Variants in TMC3 observed in about 807,000 individuals in gnomAD.
TMC3 encodes transmembrane channel like 3.
TMC3 carries 98 observed loss-of-function variants against 110.6 expected under a neutral mutation model. That is an observed-to-expected ratio of 0.89 (90% CI 0.75 to 1.05). TMC3 has a LOEUF of 1.05. Ranked by LOEUF, TMC3 falls within the 50% of genes least tolerant of loss-of-function variation. TMC3 has a pLI of 0.00. For missense variants in TMC3, 1,319 were observed against 1,373.2 expected, an observed-to-expected ratio of 0.96 and a Z score of 0.62; for synonymous variants, 489 against 513.1, an observed-to-expected ratio of 0.95 and a Z score of 0.63.
chr15:81,334,251 G>A (rs1479412271), intron 21 of TMC3, among the ~76,000 whole-genome samples: 1 of 152,130 alleles, frequency 6.6e-6, no homozygotes, highest in Non-Finnish European at 1.5e-5. Flanking sequence ...CTCCATATGA[G>A]TTTGGGCCAC....
At chr15:81,352,817 T>TTTTG (rs770988781) in intron 9 of TMC3, among the ~76,000 whole-genome samples, 3 of 152,160 alleles carry the variant, frequency 2.0e-5, no homozygotes, top group Non-Finnish European at 2.9e-5. Flanking sequence ...TTTGTTTGTT[T>TTTTG]TTTGTTTGTT....
chr15:81,368,347 G>A lies in TMC3; in HGVS notation c.237-19C>T. On this transcript the variant is annotated intron_variant, in intron 2 of 21. Transcript: ENST00000359440. ...CGCTTGTCTAAGAGAAGAAAAACAT[G>A]ATGGTGAACACAATTGTATCACACT... 1 of 1,596,900 alleles carries A rather than the reference G, an allele frequency of 6.3e-7. No homozygotes were observed. The highest frequency in any genetic ancestry group is 8.6e-7 in the Non-Finnish European group (1 of 1,164,652).
At chr15:81,370,998 A>T (rs1021059861) in intron 2 of TMC3, among the ~76,000 whole-genome samples, 2 of 151,956 alleles carry the variant, frequency 1.3e-5, no homozygotes, top group African/African-American at 4.8e-5. Flanking sequence ...TTTTTTTTAA[A>T]GAGTAATTGC....
chr15:81,359,278 C>T (rs1894133420), intron 5 of TMC3, 87 bp downstream of exon 5: 1 of 966,730 alleles, frequency 1.0e-6, no homozygotes, highest in Admixed American at 3.0e-5. Context: ...ATTTTCATCC[C>T]CACAATGATA....
Position 81,341,511 on chromosome 15 carries a change from C to T in TMC3, c.1723G>A (p.Ala575Thr), listed in dbSNP as rs1172416010. Residue 575 changes from alanine to threonine, a missense_variant, in exon 16 of 22, where the codon GCC becomes ACC. Ala to Thr is a moderately conservative substitution (Grantham distance 58). Coordinates refer to ENST00000359440, the MANE Select transcript of TMC3 (RefSeq NM_001080532.3). ...VYNQGMIWMG[A>T]FFSPCLPAFN... ...GCTGGGAGACATGGGGAGAAGAAGG[C>T]CCCCATCCTGGAACCATGAGGAAGG... 7 of 1,609,480 alleles carry T rather than the reference C, an allele frequency of 4.3e-6. No homozygotes were observed. The South Asian group carries it at 6.7e-5, about 15-fold the overall frequency.
In TMC3 at chr15:81,374,191, AG is replaced by A; in HGVS notation, c.-115del. The stretch of plus-strand genomic sequence containing the variant: ...AGCAGCGGAGTTTGCTCTGCCCGCT[AG>A]TTCTCAGGAAGAAGACTGTGTGCTT... On this transcript the variant is annotated 5_prime_UTR_variant, in exon 1 of 22. Transcript: ENST00000359440. The A allele has an allele frequency of 1.2e-6, 1 of 816,212 alleles. No individual in the cohort carries two copies. The highest frequency in any genetic ancestry group is 2.7e-5 in the East Asian group (1 of 36,980). 50.6% of individuals were successfully genotyped at this position (816,212 alleles called of 1,614,324 possible).
chr15:81,332,517 T>C lies in TMC3; in HGVS notation c.3205A>G (p.Arg1069Gly). 1 of 1,613,744 alleles carries C rather than the reference T, an allele frequency of 6.2e-7. No individual in the cohort carries two copies. Among genetic ancestry groups the C allele is most frequent in the Non-Finnish European group, 8.5e-7 (1 of 1,179,808 alleles). ...GGCTGGCCCACGGACCTCGGGAACC[T>C]GCCCTGGCTGTGGGTGACCTGCAGG... Reference protein sequence around the residue: ...QYLQVTHSQGRFPRSVGQPSR... With the variant: ...QYLQVTHSQGGFPRSVGQPSR... The change falls in exon 22 of 22, where the codon AGG becomes GGG. Residue 1069 changes from arginine to glycine, a missense_variant. Physicochemically the swap from Arg to Gly is moderately radical, Grantham distance 125 (BLOSUM62 -2). Coordinates refer to ENST00000359440, the MANE Select transcript of TMC3 (RefSeq NM_001080532.3).
Position 81,334,700 on chromosome 15 carries a change from G to A in TMC3, c.2459+20C>T, listed in dbSNP as rs771678419. On this transcript the variant is annotated intron_variant, in intron 21 of 21. Transcript: ENST00000359440. ...TCTCTCACATTCCAGGTTTTAATCT[G>A]TGCTGCAGTGGAGCCTCACCTGTTA... 7 of 1,610,192 alleles carry A rather than the reference G, an allele frequency of 4.3e-6. No homozygotes were observed. The Admixed American group carries it at 8.4e-5, about 19-fold the overall frequency.
At chr15:81,369,506 C>G (rs918625838) in intron 2 of TMC3, among the ~76,000 whole-genome samples, 12 of 152,074 alleles carry the variant, frequency 7.9e-5, no homozygotes, top group Non-Finnish European at 1.3e-4. Context: ...AAAGTAAAAG[C>G]CTATTGAAGT....
At chr15:81,336,757 TTGGACCA>T in intron 19 of TMC3, 106 bp from the exon 20 acceptor site, 1 of 1,200,000 alleles carries the variant, frequency 8.3e-7, no homozygotes, top group Non-Finnish European at 1.2e-6. Flanking sequence ...AGTTCTTACC[TTGGACCA>T]TAACTGTACT....
chr15:81,334,832 T>A lies in TMC3; in HGVS notation c.2347A>T (p.Arg783Trp). 1 of 1,614,052 alleles carries A rather than the reference T, an allele frequency of 6.2e-7. No homozygotes were observed. The highest frequency in any genetic ancestry group is 8.5e-7 in the Non-Finnish European group (1 of 1,179,894). The change falls in exon 21 of 22, where the codon AGG becomes TGG. Residue 783 changes from arginine (R) to tryptophan (W), a missense_variant. Coordinates refer to ENST00000359440, the MANE Select transcript of TMC3 (RefSeq NM_001080532.3). ...HFDSGSSKSG[R>W]IETVAQSMPQ... is the part of the protein sequence containing the mutation. ...ATGGACTGTGCGACTGTCTCTATCCTGCCACTCTTGCTGCTCCCTGAGTCA... is the reference window on the plus strand; with the variant it reads ...ATGGACTGTGCGACTGTCTCTATCCAGCCACTCTTGCTGCTCCCTGAGTCA...
chr15:81,346,329 AGGTGGGGCAGG>A (rs1264920782), intron 12 of TMC3, 25 bp downstream of exon 12: 1 of 1,586,932 alleles, frequency 6.3e-7, no homozygotes, highest in Non-Finnish European at 8.6e-7. Context: ...GAGAGGGCAG[AGGTGGGGCAGG>A]CAACTATCTG....
intron 9 of TMC3, among the ~76,000 whole-genome samples, chr15:81,355,079 T>C (rs1279176002): frequency 6.6e-6 from 1 of 152,138 alleles, no homozygotes; most frequent in Non-Finnish European, 1.5e-5. Flanking sequence ...CTAAGCTCCC[T>C]CATTATTCCA....
chr15:81,347,628 T>C (rs970511186), intron 11 of TMC3, among the ~76,000 whole-genome samples: 1 of 152,222 alleles, frequency 6.6e-6, no homozygotes, highest in Non-Finnish European at 1.5e-5. Flanking sequence ...GGTAACACAG[T>C]CTGCTGGTGA....
rs750186544 is a variant in TMC3 at position 81,373,983 on chromosome 15, G to A, written c.89+6C>T. 7 of 1,612,778 alleles carry A rather than the reference G, an allele frequency of 4.3e-6. No individual in the cohort carries two copies. Among genetic ancestry groups the A allele is most frequent in the Non-Finnish European group, 5.9e-6 (7 of 1,179,402 alleles). On this transcript the variant is annotated splice_donor_region_variant and intron_variant, in intron 1 of 21. Transcript: ENST00000359440. ...TCTGCCCAGCTGATGAATGGGGCCA[G>A]CTCACCTGAGCAGCAGAGATTCCTG...
intron 3 of TMC3, among the ~76,000 whole-genome samples, chr15:81,362,756 C>T (rs571052028): frequency 6.6e-6 from 1 of 152,252 alleles, no homozygotes; most frequent in South Asian, 2.1e-4. Flanking sequence ...TCCACTTGAT[C>T]CTGTCATAAA....
In TMC3 at chr15:81,346,745, G is replaced by T. The variant is rs144782693; in HGVS notation, c.1194-302C>A. ...AGAAAATGTGAGTTTAGGAAGTGGG[G>T]CCCTAAAACGTGTAGTTTATGAGTC... On this transcript the variant is annotated intron_variant, in intron 11 of 21. Coordinates refer to ENST00000359440, the MANE Select transcript of TMC3 (RefSeq NM_001080532.3). Among the ~76,000 whole-genome samples, 175 of 152,286 alleles carry T rather than the reference G, an allele frequency of 1.1e-3. 1 individual carries two copies. Among genetic ancestry groups the T allele is most frequent in the African/African-American group, 4.1e-3 (170 of 41,562 alleles).
At position 81,333,271 on chromosome 15, in the gene TMC3, C is replaced by T. The variant is rs533054507; in HGVS notation, c.2460-9G>A. ...ACAGACCGTGCAGATACCTGTAAGACAGGGGCGGTTAAGTAGCTGTGGCCT... is the reference window on the plus strand; with the variant it reads ...ACAGACCGTGCAGATACCTGTAAGATAGGGGCGGTTAAGTAGCTGTGGCCT... On this transcript the variant is annotated splice_polypyrimidine_tract_variant and intron_variant, in intron 21 of 21. Coordinates refer to ENST00000359440, the MANE Select transcript of TMC3 (RefSeq NM_001080532.3). 23 of 1,591,946 alleles carry T rather than the reference C, an allele frequency of 1.4e-5. No individual in the cohort carries two copies. In the Admixed American group the frequency reaches 3.7e-4, roughly 26 times the overall value.
intron 15 of TMC3, 79 bp from the exon 16 acceptor site, chr15:81,341,597 AC>A: frequency 2.0e-6 from 3 of 1,489,776 alleles, no homozygotes; most frequent in Non-Finnish European, 2.7e-6. Context: ...CCATGCAGGA[AC>A]ATGGTTCTGA....
Sources: allele counts gnomAD v4.1 joint callset (sites outside exome capture counted in the v4.1 genomes callset), GRCh38; gene constraint gnomAD v4.1.1; transcripts MANE v1.5; gene names NCBI Gene and HGNC (gene_info 2026-07-23, HGNC 2026-07-21).